VPS13B: variants seen among roughly 807,000 people sequenced by gnomAD.
VPS13B encodes intermembrane lipid transfer protein VPS13B.
VPS13B carries 285 observed loss-of-function variants against 426.4 expected under a neutral mutation model. That is an observed-to-expected ratio of 0.67 (90% CI 0.61 to 0.74). The LOEUF (loss-of-function observed/expected upper bound fraction) is 0.74, where lower values mean the gene tolerates loss of function less well. Ranked by LOEUF, VPS13B falls within the 30% of genes least tolerant of loss-of-function variation. VPS13B has a pLI of 0.00. For missense variants in VPS13B, 4,537 were observed against 4,782.6 expected, an observed-to-expected ratio of 0.95 and a Z score of 1.51; for synonymous variants, 1,676 against 1,676.4, an observed-to-expected ratio of 1.00 and a Z score of 0.01.
intron 13 of VPS13B, among the ~76,000 whole-genome samples, chr8:99,144,713 C>A (rs558563820): frequency 1.3e-5 from 2 of 152,166 alleles, no homozygotes; most frequent in South Asian, 4.2e-4. Context: ...GAATGCCTAC[C>A]CTGTGCCAGA....
chr8:99,310,379 AT>A (rs1013497128), intron 19 of VPS13B, among the ~76,000 whole-genome samples: 2 of 151,234 alleles, frequency 1.3e-5, no homozygotes, highest in African/African-American at 4.8e-5. Flanking sequence ...TTTACTGAGA[AT>A]TTTTTTTAAG....
chr8:99,540,386 T>C (rs1400474523), intron 30 of VPS13B, among the ~76,000 whole-genome samples: 1 of 151,898 alleles, frequency 6.6e-6, no homozygotes, highest in East Asian at 1.9e-4. Flanking sequence ...GGCCTAAGCA[T>C]TTCTATTTTT....
chr8:99,770,036 G>A (rs1043165228), intron 40 of VPS13B, among the ~76,000 whole-genome samples: 1 of 152,044 alleles, frequency 6.6e-6, no homozygotes, highest in African/African-American at 2.4e-5. Context: ...GTGCATGCCT[G>A]TAGTCCCAGC....
intron 3 of VPS13B, among the ~76,000 whole-genome samples, chr8:99,085,038 A>C (rs543459699): frequency 1.3e-5 from 2 of 152,044 alleles, no homozygotes; most frequent in African/African-American, 2.4e-5. Context: ...GATCTGTGTG[A>C]TGTTGACAGT....
rs374959440 is a variant in VPS13B at position 99,454,211 on chromosome 8, G to T, written c.3445+11576G>T. On this transcript the variant is annotated intron_variant, in intron 23 of 61. Transcript: ENST00000357162. The stretch of plus-strand genomic sequence containing the variant: ...ATAGCTTTTATTTTTTTGAGACAGG[G>T]TCTCATTCTGTCACCCAGGCTAGAG... Among the ~76,000 whole-genome samples the T allele has an allele frequency of 2.6e-5, 4 of 152,112 alleles. No individual in the cohort carries two copies. In the East Asian group the frequency reaches 5.8e-4, roughly 22 times the overall value.
intron 12 of VPS13B, among the ~76,000 whole-genome samples, chr8:99,142,669 A>G (rs1158901864): frequency 6.6e-6 from 1 of 152,236 alleles, no homozygotes; most frequent in Non-Finnish European, 1.5e-5. Flanking sequence ...CATATTGTGT[A>G]TAGAATTACT....
intron 31 of VPS13B, among the ~76,000 whole-genome samples, chr8:99,574,765 A>T (rs1825686682): frequency 6.6e-6 from 1 of 152,184 alleles, no homozygotes; most frequent in Non-Finnish European, 1.5e-5. Context: ...GTGTAGCCTT[A>T]GCCCAGTACT....
At chr8:99,425,708 C>A (rs939768479) in intron 21 of VPS13B, among the ~76,000 whole-genome samples, 2 of 151,978 alleles carry the variant, frequency 1.3e-5, no homozygotes, top group African/African-American at 4.8e-5. Flanking sequence ...GTTGGGCAAT[C>A]AGGCAGGAGA....
intron 31 of VPS13B, among the ~76,000 whole-genome samples, chr8:99,572,368 TG>T (rs1050441182): frequency 4.6e-5 from 7 of 152,158 alleles, no homozygotes; most frequent in Non-Finnish European, 2.9e-5. Flanking sequence ...CGTGCAGGTT[TG>T]TTACATATGT....
At chr8:99,672,590 G>A (rs1289171992) in intron 35 of VPS13B, among the ~76,000 whole-genome samples, 1 of 151,856 alleles carries the variant, frequency 6.6e-6, no homozygotes, top group Non-Finnish European at 1.5e-5. Flanking sequence ...GGTTATCTGT[G>A]GAGACAATTT....
In VPS13B at chr8:99,820,084, G is replaced by T. The variant is rs1196914585; in HGVS notation, c.8956G>T (p.Val2986Phe). 1.2e-6 allele frequency: 2 copies of T among 1,613,796 alleles called. No homozygotes were observed. Among genetic ancestry groups the T allele is most frequent in the Non-Finnish European group, 8.5e-7 (1 of 1,179,862 alleles). Residue 2986 changes from valine to phenylalanine, a missense_variant, in exon 49 of 62, where the codon GTT becomes TTT. Val to Phe is a conservative substitution (Grantham distance 50, BLOSUM62 -1). Coordinates refer to ENST00000357162, the MANE Select transcript of VPS13B (RefSeq NM_152564.5). The stretch of plus-strand genomic sequence containing the variant: ...TGAAGGAGAGAAAATTGTTCTACAG[G>T]TTCCTGCTGGCAAAATTATTATTCC... ...LFEGEKIVLQ[V>F]PAGKIIIPPN...
At chr8:99,416,830 G>A (rs147535390) in intron 21 of VPS13B, among the ~76,000 whole-genome samples, 10 of 152,294 alleles carry the variant, frequency 6.6e-5, no homozygotes, top group African/African-American at 2.2e-4. Flanking sequence ...CACTGATCTC[G>A]CTGGGAGCTG....
At chr8:99,777,991 G>A (rs974223175) in intron 41 of VPS13B, among the ~76,000 whole-genome samples, 4 of 152,062 alleles carry the variant, frequency 2.6e-5, no homozygotes, top group African/African-American at 9.7e-5. Context: ...CAACACTTTG[G>A]GAGGCCGAGG....
chr8:99,495,187 A>C (rs1820820627), intron 25 of VPS13B, among the ~76,000 whole-genome samples: 1 of 152,164 alleles, frequency 6.6e-6, no homozygotes, highest in African/African-American at 2.4e-5. Flanking sequence ...TTCATAATAT[A>C]GATGTTGAAT....
At chr8:99,152,953 G>C (rs941699111) in intron 14 of VPS13B, among the ~76,000 whole-genome samples, 1 of 152,190 alleles carries the variant, frequency 6.6e-6, no homozygotes, top group African/African-American at 2.4e-5. Context: ...GAAGTGGACT[G>C]ATCACTTGAG....
intron 32 of VPS13B, among the ~76,000 whole-genome samples, chr8:99,576,613 C>T (rs1319355899): frequency 6.6e-6 from 1 of 152,074 alleles, no homozygotes; most frequent in East Asian, 1.9e-4. Context: ...AAATCCATTC[C>T]TCTGGATGAT....
intron 39 of VPS13B, among the ~76,000 whole-genome samples, chr8:99,745,856 A>G (rs778540668): frequency 9.9e-5 from 15 of 152,238 alleles, no homozygotes; most frequent in South Asian, 8.3e-4. Context: ...TATCCATATT[A>G]TCAGAGCCAA....
chr8:99,310,338 T>C (rs1172608669), intron 19 of VPS13B, among the ~76,000 whole-genome samples: 1 of 152,182 alleles, frequency 6.6e-6, no homozygotes, highest in East Asian at 1.9e-4. Flanking sequence ...ATAGCTGTTA[T>C]TATTTTGAGA....
At chr8:99,724,686 C>A (rs906825221) in intron 39 of VPS13B, among the ~76,000 whole-genome samples, 1 of 152,094 alleles carries the variant, frequency 6.6e-6, no homozygotes, top group Non-Finnish European at 1.5e-5. Flanking sequence ...TTAATAAGGG[C>A]TTGTTTCCTC....
Sources: gnomAD v4.1 joint callset for allele counts (sites outside exome capture counted in the v4.1 genomes callset) on GRCh38, gnomAD v4.1.1 for gene constraint, MANE v1.5 for transcripts, NCBI Gene and HGNC (gene_info 2026-07-23, HGNC 2026-07-21) for gene names.